SPOCK1: variants seen among roughly 807,000 people sequenced by gnomAD.
SPOCK1 encodes SPARC (osteonectin), cwcv and kazal like domains proteoglycan 1.
SPOCK1 carries 23 observed loss-of-function variants against 55.3 expected under a neutral mutation model. The observed-to-expected ratio is 0.42, with a 90% CI of 0.30 to 0.59. SPOCK1 has a LOEUF of 0.59. Ranked by LOEUF, SPOCK1 falls within the 20% of genes least tolerant of loss-of-function variation. The pLI is 0.22. For missense variants in SPOCK1, 499 were observed against 552.5 expected, an observed-to-expected ratio of 0.90 and a Z score of 0.97; for synonymous variants, 226 against 221.0, an observed-to-expected ratio of 1.02 and a Z score of -0.20.
chr5:137,226,571 C>T (rs1460945705), intron 3 of SPOCK1, among the ~76,000 whole-genome samples: 1 of 152,158 alleles, frequency 6.6e-6, no homozygotes, highest in African/African-American at 2.4e-5. Flanking sequence ...TAGATCCAAA[C>T]CCCTCAATAT....
intron 5 of SPOCK1, among the ~76,000 whole-genome samples, chr5:137,081,335 TAGAG>T (rs1752874909): frequency 6.6e-6 from 1 of 152,174 alleles, no homozygotes; most frequent in Admixed American, 6.5e-5. Context: ...TTTAAAGTGA[TAGAG>T]AGGCAGTATT....
At chr5:137,383,062 C>T (rs933180292) in intron 2 of SPOCK1, among the ~76,000 whole-genome samples, 19 of 152,228 alleles carry the variant, frequency 1.2e-4, no homozygotes, top group Admixed American at 4.6e-4. Context: ...TAGGTAAGGG[C>T]GTGGCCTTTG....
chr5:137,464,999 T>C (rs551303772), intron 2 of SPOCK1, among the ~76,000 whole-genome samples: 3 of 152,220 alleles, frequency 2.0e-5, no homozygotes, highest in African/African-American at 7.2e-5. Context: ...AAGCCAGAGA[T>C]ATCAGAGAGA....
intron 3 of SPOCK1, among the ~76,000 whole-genome samples, chr5:137,148,162 G>T (rs1043511123): frequency 2.6e-5 from 4 of 152,130 alleles, no homozygotes; most frequent in African/African-American, 9.7e-5. Context: ...CCATGGCCAG[G>T]GTCCAGAGCA....
chr5:137,060,334 A>G (rs1334633810), intron 6 of SPOCK1, among the ~76,000 whole-genome samples: 1 of 152,200 alleles, frequency 6.6e-6, no homozygotes, highest in Non-Finnish European at 1.5e-5. Flanking sequence ...TATCCTAAGC[A>G]AACTCATGCA....
intron 6 of SPOCK1, among the ~76,000 whole-genome samples, chr5:137,016,636 G>C (rs1751451956): frequency 6.6e-6 from 1 of 152,222 alleles, no homozygotes. Flanking sequence ...AAGTCATCTA[G>C]TTCTTGCACA....
chr5:137,070,678 C>T (rs1252292711), intron 5 of SPOCK1, among the ~76,000 whole-genome samples: 2 of 152,220 alleles, frequency 1.3e-5, no homozygotes, highest in East Asian at 3.9e-4. Context: ...TTGAGCTCCA[C>T]ATTGAGTACT....
chr5:137,209,602 C>A (rs528022999), intron 3 of SPOCK1, among the ~76,000 whole-genome samples: 93 of 152,312 alleles, frequency 6.1e-4, no homozygotes, highest in African/African-American at 2.2e-3. Context: ...ATCAGACTAA[C>A]CACATATTAC....
chr5:137,180,784 C>T (rs973686754), intron 3 of SPOCK1, among the ~76,000 whole-genome samples: 20 of 152,128 alleles, frequency 1.3e-4, no homozygotes, highest in African/African-American at 4.8e-4. Flanking sequence ...CAAACAGTCT[C>T]AAAATAGAAG....
At chr5:137,076,135 C>T (rs1019672128) in intron 5 of SPOCK1, among the ~76,000 whole-genome samples, 4 of 152,236 alleles carry the variant, frequency 2.6e-5, no homozygotes, top group African/African-American at 9.6e-5. Flanking sequence ...AGAGCCCAGA[C>T]CCGAAGGGCT....
intron 9 of SPOCK1, among the ~76,000 whole-genome samples, chr5:136,981,146 C>A (rs1750722953): frequency 6.6e-6 from 1 of 152,148 alleles, no homozygotes; most frequent in South Asian, 2.1e-4. Context: ...GAGAGTGGGG[C>A]TGAGCAGTCT....
intron 2 of SPOCK1, among the ~76,000 whole-genome samples, chr5:137,314,561 A>G (rs1477557435): frequency 3.3e-5 from 5 of 152,192 alleles, no homozygotes; most frequent in African/African-American, 4.8e-5. Flanking sequence ...ATTAATTAGA[A>G]ATGCCATCTA....
At chr5:137,475,237 T>C (rs1753812852) in intron 2 of SPOCK1, among the ~76,000 whole-genome samples, 1 of 152,112 alleles carries the variant, frequency 6.6e-6, no homozygotes. Context: ...TGGGGTGACA[T>C]TCAACAGGAC....
At chr5:137,473,890 C>A (rs894465346) in intron 2 of SPOCK1, among the ~76,000 whole-genome samples, 1 of 152,150 alleles carries the variant, frequency 6.6e-6, no homozygotes, top group Admixed American at 6.5e-5. Flanking sequence ...TGTATATATA[C>A]GATGGAATAC....
At chr5:137,444,072 C>T (rs1753072302) in intron 2 of SPOCK1, among the ~76,000 whole-genome samples, 2 of 152,186 alleles carry the variant, frequency 1.3e-5, no homozygotes, top group South Asian at 4.1e-4. Context: ...GAGCGAGCCT[C>T]AGCCAGGCTC....
chr5:137,240,585 GA>G (rs1165698489), intron 3 of SPOCK1, among the ~76,000 whole-genome samples: 2 of 152,140 alleles, frequency 1.3e-5, no homozygotes, highest in African/African-American at 4.8e-5. Flanking sequence ...TCTGGGTGGG[GA>G]TATCTATTTA....
At chr5:137,068,675 C>A (rs975564033) in intron 5 of SPOCK1, among the ~76,000 whole-genome samples, 2 of 152,182 alleles carry the variant, frequency 1.3e-5, no homozygotes, top group East Asian at 1.9e-4. Context: ...GAAATTAAGA[C>A]TCAGGTTAAG....
intron 2 of SPOCK1, among the ~76,000 whole-genome samples, chr5:137,488,828 G>A (rs1034925295): frequency 3.9e-5 from 6 of 152,096 alleles, no homozygotes; most frequent in African/African-American, 9.7e-5. Context: ...GAATGTTGAC[G>A]GTGCCCTCTG....
chr5:136,985,422 C>A (rs890139143), intron 8 of SPOCK1, among the ~76,000 whole-genome samples: 3 of 152,206 alleles, frequency 2.0e-5, no homozygotes, highest in African/African-American at 7.2e-5. Flanking sequence ...TTGGGGGCCA[C>A]TTGCATTGCA....
Sources: allele counts gnomAD v4.1 joint callset (sites outside exome capture counted in the v4.1 genomes callset), GRCh38; gene constraint gnomAD v4.1.1; transcripts MANE v1.5; gene names NCBI Gene and HGNC (gene_info 2026-07-23, HGNC 2026-07-21).